PPEF2: variants seen among roughly 807,000 people sequenced by gnomAD.
PPEF2 encodes the protein protein phosphatase with EF-hand domain 2, also known as serine/threonine-protein phosphatase with EF-hands 2.
A neutral mutation model predicts 84.7 loss-of-function variants in PPEF2; 84 were observed. The ratio of observed to expected loss-of-function variants is 0.99; its 90% CI spans 0.83 to 1.19. The LOEUF (loss-of-function observed/expected upper bound fraction) is 1.19, where lower values mean the gene tolerates loss of function less well. PPEF2 is among the 50% of genes most tolerant of loss of function. The pLI is 0.00. For missense variants in PPEF2, 924 were observed against 937.5 expected, an observed-to-expected ratio of 0.99 and a Z score of 0.19; for synonymous variants, 346 against 345.2, an observed-to-expected ratio of 1.00 and a Z score of -0.03.
chr4:75,876,158 T>C, intron 11 of PPEF2, 129 bp downstream of exon 11: 2 of 1,149,702 alleles, frequency 1.7e-6, no homozygotes, highest in Non-Finnish European at 2.4e-6. Context: ...AATACTAGTG[T>C]CCTTCTGGGG....
At chr4:75,880,699 T>C (rs1724545878) in intron 10 of PPEF2, among the ~76,000 whole-genome samples, 1 of 152,106 alleles carries the variant, frequency 6.6e-6, no homozygotes, top group South Asian at 2.1e-4. Context: ...TGGTCACTTA[T>C]GCCTACAATC....
At chr4:75,891,421 G>A (rs1463604201) in intron 4 of PPEF2, among the ~76,000 whole-genome samples, 1 of 152,088 alleles carries the variant, frequency 6.6e-6, no homozygotes, top group Non-Finnish European at 1.5e-5. Context: ...CACCCCCAGG[G>A]TTTCTTGAAC....
At position 75,860,849 on chromosome 4, in the gene PPEF2, C is replaced by T; in HGVS notation, c.2080G>A (p.Asp694Asn). Residue 694 changes from aspartate (D) to asparagine (N), a missense_variant, in exon 17 of 17, where the codon GAT becomes AAT. By Grantham distance (23) the Asp-to-Asn change is conservative (BLOSUM62 1). Transcript: ENST00000286719. ...CGAGCAAGGTCACAGATGCAGTCAT[C>T]TGTAATGTCGATATTCATGTGAGAG... ...FSSHMNIDIT[D>N]DCICDLARSI... The T allele has an allele frequency of 6.2e-7, 1 of 1,614,244 alleles. No homozygotes were observed. The highest frequency in any genetic ancestry group is 2.2e-5 in the East Asian group (1 of 44,886).
chr4:75,871,720 C>T (rs1724284946), intron 13 of PPEF2, among the ~76,000 whole-genome samples: 1 of 152,156 alleles, frequency 6.6e-6, no homozygotes, highest in Non-Finnish European at 1.5e-5. Flanking sequence ...ATCCTTCTGC[C>T]TTAGTCTGCC....
chr4:75,885,727 TAG>T (rs1175904266), intron 7 of PPEF2, among the ~76,000 whole-genome samples: 1 of 152,010 alleles, frequency 6.6e-6, no homozygotes, highest in African/African-American at 2.4e-5. Context: ...TAGTCCATCG[TAG>T]GCCAGGCGCG....
At chr4:75,865,984 G>A (rs1290320454) in intron 15 of PPEF2, among the ~76,000 whole-genome samples, 1 of 152,078 alleles carries the variant, frequency 6.6e-6, no homozygotes, top group Middle Eastern at 3.2e-3. Flanking sequence ...GTACTTCTTG[G>A]AGTGGTTTTG....
chr4:75,883,817 CAAAAAAAAAAAA>C (rs35897623), intron 8 of PPEF2, among the ~76,000 whole-genome samples: 1 of 60,702 alleles, frequency 1.6e-5, no homozygotes, highest in Admixed American at 2.9e-4. Context: ...GACTCCGTCA[CAAAAAAAAAAAA>C]AAAAAAAAAA....
At chr4:75,879,195 A>G (rs11934786) in intron 10 of PPEF2, among the ~76,000 whole-genome samples, 17,773 of 152,212 alleles carry the variant, frequency 0.12, 3,140 homozygotes, top group African/African-American at 0.39. Flanking sequence ...CAGCCTGCAG[A>G]TAGGTCTTGC....
chr4:75,882,699 A>G, intron 10 of PPEF2: 2 of 439,856 alleles, frequency 4.5e-6, no homozygotes, highest in Non-Finnish European at 4.0e-6. Flanking sequence ...AAGTTTTGCT[A>G]TGTTGCCCAG....
chr4:75,860,553 T>A lies in PPEF2; in HGVS notation c.*114A>T. The A allele has an allele frequency of 2.3e-6, 3 of 1,323,988 alleles. No homozygotes were observed. Among genetic ancestry groups the A allele is most frequent in the Non-Finnish European group, 3.1e-6 (3 of 957,642 alleles). 82.0% of individuals were successfully genotyped at this position (1,323,988 alleles called of 1,614,324 possible). A position where few individuals can be genotyped will look rare whatever the true frequency, so the allele number is the denominator to read the frequency against. ...GAAATACACAGGTGATTCTGATGCA[T>A]ATGGATAGGTAAATTTTCAGCATAA... On this transcript the variant is annotated 3_prime_UTR_variant, in exon 17 of 17. Transcript: ENST00000286719.
chr4:75,875,217 T>G (rs975371265), intron 11 of PPEF2, among the ~76,000 whole-genome samples: 3 of 152,158 alleles, frequency 2.0e-5, no homozygotes, highest in African/African-American at 7.2e-5. Context: ...ATTCATTTCT[T>G]TATTGGGTGA....
intron 16 of PPEF2, among the ~76,000 whole-genome samples, chr4:75,863,892 C>T (rs1724066940): frequency 6.8e-6 from 1 of 147,108 alleles, no homozygotes; most frequent in African/African-American, 2.5e-5. Flanking sequence ...TTTTTTTCCG[C>T]GACAGAGTCT....
chr4:75,895,592 C>T (rs567094407), intron 2 of PPEF2, among the ~76,000 whole-genome samples: 3 of 151,204 alleles, frequency 2.0e-5, no homozygotes, highest in East Asian at 1.9e-4. Context: ...ATTAGCCAGG[C>T]GTGGTCGCGG....
At position 75,864,487 on chromosome 4, in the gene PPEF2, C is replaced by T. The variant is rs765847899; in HGVS notation, c.1961G>A (p.Arg654Gln). Residue 654 changes from arginine (R) to glutamine (Q), a missense_variant, in exon 16 of 17, where the codon CGA (arginine) becomes CAA (glutamine). Transcript: ENST00000286719. ...SSLLETLYRN[R>Q]SNLETIFRII... ...CCTAAAAATGGTCTCTAGGTTGGAT[C>T]GGTTTCGATACAATGTTTCCAGCAA... is the stretch of plus-strand genomic sequence containing the variant. The T allele has an allele frequency of 9.9e-6, 16 of 1,613,114 alleles. No homozygotes were observed. Among genetic ancestry groups the T allele is most frequent in the East Asian group, 2.2e-5 (1 of 44,854 alleles).
chr4:75,860,972 C>A (rs1723986690), intron 16 of PPEF2, 52 bp from the exon 17 acceptor site: 3 of 1,584,018 alleles, frequency 1.9e-6, no homozygotes, highest in South Asian at 2.3e-5. Flanking sequence ...TTTTAATGTT[C>A]ATTTTCTCTG....
chr4:75,878,022 T>C (rs147631642), intron 10 of PPEF2, among the ~76,000 whole-genome samples: 111 of 152,290 alleles, frequency 7.3e-4, no homozygotes, highest in African/African-American at 2.4e-3. Flanking sequence ...TCAAAGTATA[T>C]AGGTGAGAAA....
At position 75,888,296 on chromosome 4, in the gene PPEF2, C is replaced by T. The variant is rs755489523; in HGVS notation, c.450G>A (p.Leu150=). Residue 150 remains leucine, a synonymous_variant, in exon 6 of 17, where the codon TTG becomes TTA. Coordinates refer to ENST00000286719, the MANE Select transcript of PPEF2 (RefSeq NM_006239.3). ...GTACCAGATGTTTCTTGGTTTCATACAAAAGGTTCAAGACGTAGCGAGCAT... is the reference window on the plus strand; with the variant it reads ...GTACCAGATGTTTCTTGGTTTCATATAAAAGGTTCAAGACGTAGCGAGCAT... The part of the protein sequence containing the change: ...QLHARYVLNL[L]YETKKHLVQL... 9 of 1,613,840 alleles carry T rather than the reference C, an allele frequency of 5.6e-6. No homozygotes were observed. The highest frequency in any genetic ancestry group is 1.3e-5 in the African/African-American group (1 of 74,870).
rs898051743 is a variant in PPEF2 at position 75,860,099 on chromosome 4, A to G, written c.*568T>C. On this transcript the variant is annotated 3_prime_UTR_variant, in exon 17 of 17. Coordinates refer to ENST00000286719, the MANE Select transcript of PPEF2 (RefSeq NM_006239.3). ...TGCGGTGGCTCATGCCTGTAATCCC[A>G]GCACTTTGGGAGGCTGAGGAGGGTG... The G allele has an allele frequency of 6.6e-6, 1 of 152,580 alleles. No individual in the cohort carries two copies. Among genetic ancestry groups the G allele is most frequent in the African/African-American group, 2.4e-5 (1 of 41,464 alleles). 9.5% of individuals were successfully genotyped at this position (152,580 alleles called of 1,614,324 possible).
intron 13 of PPEF2, 103 bp from the exon 14 acceptor site, chr4:75,867,522 C>T (rs1172652054): frequency 5.9e-6 from 5 of 847,570 alleles, no homozygotes; most frequent in Non-Finnish European, 7.4e-6. Flanking sequence ...ATATCAGTCT[C>T]CCAAGAGCTC....
Sources: allele counts gnomAD v4.1 joint callset (sites outside exome capture counted in the v4.1 genomes callset), GRCh38; gene constraint gnomAD v4.1.1; transcripts MANE v1.5; gene names NCBI Gene and HGNC (gene_info 2026-07-23, HGNC 2026-07-21).